Variants in CARS1 observed in about 807,000 individuals in gnomAD.
CARS1 encodes cysteinyl-tRNA synthetase 1.
A neutral mutation model predicts 106.2 loss-of-function variants in CARS1; 48 were observed. The ratio of observed to expected loss-of-function variants is 0.45; its 90% CI spans 0.36 to 0.57. The LOEUF is 0.57. CARS1 is among the 20% of genes least tolerant of loss of function. The pLI, the probability that CARS1 is intolerant of heterozygous loss-of-function variation, is 0.00. For synonymous variants in CARS1, 409 were observed against 403.4 expected, an observed-to-expected ratio of 1.01 and a Z score of -0.17; for missense variants, 968 against 1,057.2, an observed-to-expected ratio of 0.92 and a Z score of 1.17.
At chr11:3,054,810 A>T (rs190603063) in intron 1 of CARS1, 5 of 696,262 alleles carry the variant, frequency 7.2e-6, no homozygotes, top group African/African-American at 3.5e-5. Context: ...ATGCTGAAAA[A>T]ATGCTGGCTG....
At position 3,017,133 on chromosome 11, in the gene CARS1, G is replaced by C. The variant is rs61737274; in HGVS notation, c.1890C>G (p.Ile630Met). Residue 630 changes from isoleucine (I) to methionine (M), a missense_variant, in exon 16 of 23, where the codon ATC becomes ATG. Coordinates refer to ENST00000380525, the MANE Select transcript of CARS1 (RefSeq NM_001014437.3). The surrounding 1 kb of genome is among the most constrained non-coding windows in gnomAD (Gnocchi z 4.9). Reference protein sequence around the residue: ...KRPNQALLENIALYLTHMLKI... With the variant: ...KRPNQALLENMALYLTHMLKI... ...TCAGCATATGGGTGAGGTACAGGGCGATGTTCTCCAGCAGAGCCTGGTTGG... is the reference window on the plus strand; with the variant it reads ...TCAGCATATGGGTGAGGTACAGGGCCATGTTCTCCAGCAGAGCCTGGTTGG... 29 of 1,613,912 alleles carry C rather than the reference G, an allele frequency of 1.8e-5. No individual in the cohort carries two copies. Among genetic ancestry groups the C allele is most frequent in the African/African-American group, 5.3e-5 (4 of 74,880 alleles).
At chr11:3,012,006 G>A (rs1241160889) in intron 18 of CARS1, among the ~76,000 whole-genome samples, 189 bp downstream of exon 18, 5 of 152,252 alleles carry the variant, frequency 3.3e-5, no homozygotes, top group African/African-American at 4.8e-5. Flanking sequence ...TGTGGTGACT[G>A]GAGCGTGTGG....
rs1354237690 is a variant in CARS1, at chr11:3,047,262, G to A, written c.274+491C>T. On this transcript the variant is annotated intron_variant, in intron 2 of 22. Transcript: ENST00000380525. Reference sequence around the variant, plus strand: ...ACTGCACTCCAGCCTGGGCGATAGAGCGAGACTCCATCTCAAAAAAAAAAA... The same window carrying A: ...ACTGCACTCCAGCCTGGGCGATAGAACGAGACTCCATCTCAAAAAAAAAAA... Among the ~76,000 whole-genome samples the A allele has an allele frequency of 2.2e-5, 3 of 139,172 alleles. No homozygotes were observed. The South Asian group carries it at 6.9e-4, about 32-fold the overall frequency. The allele number at this position is 139,172 out of a possible 152,430, so 91.3% of individuals were successfully genotyped here. A position where few individuals can be genotyped will look rare whatever the true frequency, so the allele number is the denominator to read the frequency against.
chr11:3,053,168 G>A lies in CARS1; in HGVS notation c.25+4175C>T, dbSNP rs532176328. Among the ~76,000 whole-genome samples, 5 of 152,292 alleles carry A rather than the reference G, an allele frequency of 3.3e-5. No homozygotes were observed. The South Asian group carries it at 1.0e-3, about 32-fold the overall frequency. ...ACACGTCAAACAACTGTGGCAGTGC[G>A]ACCTCTCCCTCTCTCTGGCTCTTTC... is the stretch of plus-strand genomic sequence containing the variant. On this transcript the variant is annotated intron_variant, in intron 1 of 22. Transcript: ENST00000380525. The surrounding 1 kb of genome is among the most constrained non-coding windows in gnomAD (Gnocchi z 6.6).
Position 3,020,142 on chromosome 11 carries a change from C to CCTCT in CARS1, c.1266+74_1266+77dup, listed in dbSNP as rs1376255442. ...CAACATCCTTCACACACAGAGCGGC[C>CCTCT]CTCTGCTGGGGGCCTGAGAGTGTGG... On this transcript the variant is annotated intron_variant, in intron 11 of 22. Transcript: ENST00000380525. The surrounding 1 kb of genome is among the most constrained non-coding windows in gnomAD (Gnocchi z 4.6). 1 of 874,878 alleles carries CCTCT rather than the reference C, an allele frequency of 1.1e-6. No individual in the cohort carries two copies. Among genetic ancestry groups the CCTCT allele is most frequent in the Non-Finnish European group, 2.0e-6 (1 of 511,630 alleles). 54.2% of individuals were successfully genotyped at this position (874,878 alleles called of 1,614,324 possible). A position where few individuals can be genotyped will look rare whatever the true frequency, so the allele number is the denominator to read the frequency against.
chr11:3,016,932 C>T (rs555407602), intron 16 of CARS1, among the ~76,000 whole-genome samples, 174 bp downstream of exon 16: 12 of 152,248 alleles, frequency 7.9e-5, no homozygotes, highest in South Asian at 2.1e-4. Flanking sequence ...ATTTCTAACG[C>T]GTGAAAAGCA....
chr11:3,055,029 C>G lies in CARS1; in HGVS notation c.25+2314G>C, dbSNP rs1226983572. 4.3e-6 allele frequency: 3 copies of G among 697,910 alleles called. No individual in the cohort carries two copies. In the East Asian group the frequency reaches 8.0e-5, roughly 19 times the overall value. The allele number at this position is 697,910 out of a possible 1,614,324, so 43.2% of individuals were successfully genotyped here. ...CCAAGCCTATGCACCTTCAAGACCG[C>G]AAAGGAAAAGCTGTACACCCAGTGA... On this transcript the variant is annotated intron_variant, in intron 1 of 22. Coordinates refer to ENST00000380525, the MANE Select transcript of CARS1 (RefSeq NM_001014437.3).
rs115562067 is a variant in CARS1, at chr11:3,010,412, G to T, written c.2068+1783C>A. 7.2e-3 allele frequency among the ~76,000 whole-genome samples: 1,093 copies of T among 152,380 alleles called. 12 individuals are homozygous for T. The highest frequency in any genetic ancestry group is 0.025 in the African/African-American group (1,033 of 41,592). On this transcript the variant is annotated intron_variant, in intron 18 of 22. Coordinates refer to ENST00000380525, the MANE Select transcript of CARS1 (RefSeq NM_001014437.3). ...ACCCCAGCGATGCCGCTAAGTTAGT[G>T]CTGCCAAGATTGCTGGAGAGCCCTG...
chr11:3,006,914 A>C lies in CARS1; in HGVS notation c.2114T>G (p.Leu705Arg), dbSNP rs754158868. The C allele has an allele frequency of 2.6e-5, 42 of 1,614,020 alleles. No homozygotes were observed. The highest frequency in any genetic ancestry group is 3.4e-5 in the Non-Finnish European group (40 of 1,180,022). ...TTCAAACCGCACCCCAAGCTCGGGCAGGATGTTGTCCCGCAGGGCATCGCT... is the reference window on the plus strand; with the variant it reads ...TTCAAACCGCACCCCAAGCTCGGGCCGGATGTTGTCCCGCAGGGCATCGCT... ...QLSDALRDNI[L>R]PELGVRFEDH... Residue 705 changes from leucine to arginine, a missense_variant, in exon 19 of 23, where the codon CTG becomes CGG. Physicochemically the swap from Leu to Arg is moderately radical, Grantham distance 102 (BLOSUM62 -2). Transcript: ENST00000380525.
At chr11:3,011,512 G>A (rs1292958821) in intron 18 of CARS1, among the ~76,000 whole-genome samples, 1 of 152,150 alleles carries the variant, frequency 6.6e-6, no homozygotes, top group Non-Finnish European at 1.5e-5. Context: ...TACTCAGGAG[G>A]CTGAGGCAGA....
rs1175198160 is a variant in CARS1, at chr11:3,020,508, C to T, written c.1154-176G>A. 6.6e-6 allele frequency among the ~76,000 whole-genome samples: 1 copy of T among 152,212 alleles called. No homozygotes were observed. The highest frequency in any genetic ancestry group is 2.4e-5 in the African/African-American group (1 of 41,462). ...ATGTATTACCAGATTCTGGTGTTGACCCAGTGTCTAGATTTACAAAACGGT... is the reference window on the plus strand; with the variant it reads ...ATGTATTACCAGATTCTGGTGTTGATCCAGTGTCTAGATTTACAAAACGGT... On this transcript the variant is annotated intron_variant, in intron 10 of 22. Coordinates refer to ENST00000380525, the MANE Select transcript of CARS1 (RefSeq NM_001014437.3). The surrounding 1 kb of genome is among the most constrained non-coding windows in gnomAD (Gnocchi z 4.6).
Position 3,037,918 on chromosome 11 carries a change from G to C in CARS1, c.801+132C>G. On this transcript the variant is annotated intron_variant, in intron 7 of 22. Transcript: ENST00000380525. The surrounding 1 kb of genome is among the most constrained non-coding windows in gnomAD (Gnocchi z 5.9). ...CCGCAGAACAGGGCCGCCTGCCACA[G>C]TGGAGCTACTGGAGACACAGAGTGT... 1.1e-6 allele frequency: 1 copy of C among 906,002 alleles called. No homozygotes were observed. The highest frequency in any genetic ancestry group is 2.5e-5 in the East Asian group (1 of 39,962). 56.1% of individuals were successfully genotyped at this position (906,002 alleles called of 1,614,324 possible). A position where few individuals can be genotyped will look rare whatever the true frequency, so the allele number is the denominator to read the frequency against.
Position 3,038,634 on chromosome 11 carries a change from C to A in CARS1, c.652-435G>T, listed in dbSNP as rs1267540092. On this transcript the variant is annotated intron_variant, in intron 6 of 22. Transcript: ENST00000380525. The surrounding 1 kb of genome is among the most constrained non-coding windows in gnomAD (Gnocchi z 4.0). ...TGTTTTTAATTCCAGAGATAAAATG[C>A]CATAAGCATATCCATAATGATTACT... 6.6e-6 allele frequency among the ~76,000 whole-genome samples: 1 copy of A among 152,044 alleles called. No individual in the cohort carries two copies. The highest frequency in any genetic ancestry group is 2.4e-5 in the African/African-American group (1 of 41,394).
intron 21 of CARS1, 37 bp from the exon 22 acceptor site, chr11:3,002,090 G>A (rs1201316467): frequency 7.2e-7 from 1 of 1,398,316 alleles, no homozygotes; most frequent in Non-Finnish European, 1.0e-6. Flanking sequence ...CTGCCCCCGA[G>A]CAGCACCTGG....
Position 3,046,623 on chromosome 11 carries a change from G to A in CARS1, c.274+1130C>T, listed in dbSNP as rs1326741582. Among the ~76,000 whole-genome samples the A allele has an allele frequency of 2.6e-5, 4 of 152,060 alleles. No individual in the cohort carries two copies. The highest frequency in any genetic ancestry group is 7.2e-5 in the African/African-American group (3 of 41,432). On this transcript the variant is annotated intron_variant, in intron 2 of 22. Coordinates refer to ENST00000380525, the MANE Select transcript of CARS1 (RefSeq NM_001014437.3). The surrounding 1 kb of genome is among the most constrained non-coding windows in gnomAD (Gnocchi z 5.8). Reference sequence around the variant, plus strand: ...GTGATCTAGCAGAGGCCTGACCCACGGCAGAGGCGGGGGGGCATGTTCCCA... The same window carrying A: ...GTGATCTAGCAGAGGCCTGACCCACAGCAGAGGCGGGGGGGCATGTTCCCA...
intron 19 of CARS1, among the ~76,000 whole-genome samples, chr11:3,006,525 G>A (rs2134090068): frequency 6.6e-6 from 1 of 152,372 alleles, no homozygotes; most frequent in Admixed American, 6.5e-5. Context: ...CCACGAAGTG[G>A]GAGAACAAGC....
In CARS1 at chr11:3,039,975, T is replaced by G. The variant is rs1195209563; in HGVS notation, c.456-44A>C. Reference sequence around the variant, plus strand: ...AAACATTTCCACACCAGACGATATGTATAGCTTAACCTCCAACAACACGTG... The same window carrying G: ...AAACATTTCCACACCAGACGATATGGATAGCTTAACCTCCAACAACACGTG... On this transcript the variant is annotated intron_variant, in intron 4 of 22. Transcript: ENST00000380525. This position sits in a 1 kb window ranked among gnomAD's most constrained non-coding sequence, Gnocchi z 5.6. 2.9e-6 allele frequency: 3 copies of G among 1,021,156 alleles called. No homozygotes were observed. Among genetic ancestry groups the G allele is most frequent in the Non-Finnish European group, 3.0e-6 (2 of 671,902 alleles). The allele number at this position is 1,021,156 out of a possible 1,614,324, so 63.3% of individuals were successfully genotyped here.
At chr11:3,018,539 C>G (rs773892828) in intron 13 of CARS1, 28 bp from the exon 14 acceptor site, 6 of 1,612,552 alleles carry the variant, frequency 3.7e-6, no homozygotes, top group Non-Finnish European at 5.1e-6. Context: ...ACAGCCAACG[C>G]CCTTATTCTC....
chr11:3,057,400 C>T lies in CARS1; in HGVS notation c.-33G>A, dbSNP rs756078768. On this transcript the variant is annotated 5_prime_UTR_variant, in exon 1 of 23. Transcript: ENST00000380525. ...AATCCCGGACCCGCAGCTGCGGCTA[C>T]AGACACTTCCTAGAATCTGATGCAA... 28 of 1,602,806 alleles carry T rather than the reference C, an allele frequency of 1.7e-5. No individual in the cohort carries two copies. In the Middle Eastern group the frequency reaches 6.6e-4, roughly 38 times the overall value.
Sources: gnomAD v4.1 joint callset for allele counts (sites outside exome capture counted in the v4.1 genomes callset) on GRCh38, gnomAD v4.1.1 for gene constraint, Gnocchi (gnomAD v3.1) non-coding constraint, MANE v1.5 for transcripts, NCBI Gene and HGNC (gene_info 2026-07-23, HGNC 2026-07-21) for gene names.